SIPA1L3: variants seen among roughly 807,000 people sequenced by gnomAD.
SIPA1L3 encodes signal-induced proliferation-associated 1-like protein 3.
SIPA1L3 carries 59 observed loss-of-function variants against 150.1 expected under a neutral mutation model. That is an observed-to-expected ratio of 0.39 (90% CI 0.32 to 0.49). The LOEUF is 0.49. Ranked by LOEUF, SIPA1L3 falls within the 20% of genes least tolerant of loss-of-function variation. SIPA1L3 has a pLI of 0.86. For missense variants in SIPA1L3, 2,211 were observed against 2,489.5 expected (o/e 0.89, Z 2.38); for synonymous variants, 1,070 against 1,077.6 (o/e 0.99, Z 0.14).
chr19:38,115,014 AGG>A (rs1288473953), intron 8 of SIPA1L3, among the ~76,000 whole-genome samples: 2 of 152,208 alleles, frequency 1.3e-5, no homozygotes, highest in Non-Finnish European at 2.9e-5. Flanking sequence ...ATCTCCCTCA[AGG>A]ATTTAACCAA....
intron 1 of SIPA1L3, among the ~76,000 whole-genome samples, chr19:37,916,493 TAAAA>T (rs911159767): frequency 3.3e-5 from 3 of 90,776 alleles, no homozygotes; most frequent in Non-Finnish European, 2.2e-5. Flanking sequence ...ACTCTGTGTC[TAAAA>T]AAAAAAAAAA....
chr19:38,082,633 C>A lies in SIPA1L3; in HGVS notation c.1068C>A (p.Ala356=). 6 of 1,605,750 alleles carry A rather than the reference C, an allele frequency of 3.7e-6. 1 individual carries two copies. Among genetic ancestry groups the A allele is most frequent in the South Asian group, 1.1e-5 (1 of 91,084 alleles). ...TGCTGTTCGACCTCAACGAGGCGGC[C>A]GCCAACAGGGTGTCGGTGTCGCAGC... ...QSMLFDLNEA[A]ANRVSVSQRR... The change falls in exon 3 of 22, where the codon GCC becomes GCA. Residue 356 remains alanine, a synonymous_variant. Coordinates refer to ENST00000222345, the MANE Select transcript of SIPA1L3 (RefSeq NM_015073.3).
intron 2 of SIPA1L3, among the ~76,000 whole-genome samples, chr19:38,053,050 T>G (rs1296312785): frequency 6.6e-6 from 1 of 152,240 alleles, no homozygotes; most frequent in African/African-American, 2.4e-5. Context: ...AAGCTGGCAT[T>G]GAGCGGGCAG....
chr19:38,041,199 A>G (rs1968912629), intron 2 of SIPA1L3, among the ~76,000 whole-genome samples: 1 of 145,340 alleles, frequency 6.9e-6, no homozygotes, highest in South Asian at 2.2e-4. Context: ...CTCCATCTCC[A>G]AAGTTCAAGC....
At chr19:38,129,392 G>A (rs1264482912) in intron 9 of SIPA1L3, among the ~76,000 whole-genome samples, 4 of 152,074 alleles carry the variant, frequency 2.6e-5, no homozygotes, top group Non-Finnish European at 4.4e-5. Context: ...TTGGGAGGCC[G>A]AGGCGGGCAG....
chr19:38,114,410 C>T (rs956377940), intron 8 of SIPA1L3, among the ~76,000 whole-genome samples: 30 of 137,866 alleles, frequency 2.2e-4, no homozygotes, highest in Admixed American at 8.6e-4. Context: ...GCGACAAGAG[C>T]GAAACTCTTG....
At chr19:38,037,476 TG>T (rs1968818607) in intron 2 of SIPA1L3, among the ~76,000 whole-genome samples, 1 of 152,032 alleles carries the variant, frequency 6.6e-6, no homozygotes, top group Admixed American at 6.6e-5. Context: ...GAGAGGTAGG[TG>T]GGGGCAGATG....
intron 15 of SIPA1L3, among the ~76,000 whole-genome samples, chr19:38,178,920 C>T (rs1972502362): frequency 6.6e-6 from 1 of 152,218 alleles, no homozygotes; most frequent in South Asian, 2.1e-4. Context: ...CTACTCTTTG[C>T]TCCATTGATA....
chr19:38,191,413 C>A (rs1042688532), intron 16 of SIPA1L3, among the ~76,000 whole-genome samples: 3 of 149,020 alleles, frequency 2.0e-5, no homozygotes, highest in Non-Finnish European at 3.0e-5. Context: ...AAAAAAAAAA[C>A]CAAAAAGCAA....
intron 1 of SIPA1L3, among the ~76,000 whole-genome samples, chr19:38,005,902 G>A (rs950425069): frequency 1.3e-5 from 2 of 152,132 alleles, no homozygotes; most frequent in African/African-American, 4.8e-5. Context: ...ACAAAAATTA[G>A]CTGGGCATTT....
chr19:37,918,108 T>C (rs964555081), intron 1 of SIPA1L3, among the ~76,000 whole-genome samples: 1 of 152,050 alleles, frequency 6.6e-6, no homozygotes, highest in African/African-American at 2.4e-5. Context: ...ACTCCTTAAA[T>C]TGACCTCTAG....
At chr19:38,190,895 A>T (rs1021180551) in intron 16 of SIPA1L3, among the ~76,000 whole-genome samples, 1 of 152,182 alleles carries the variant, frequency 6.6e-6, no homozygotes, top group Non-Finnish European at 1.5e-5. Flanking sequence ...TGTTCCCCAC[A>T]CCATACGTGT....
chr19:37,930,077 T>C (rs1037754936), intron 1 of SIPA1L3, among the ~76,000 whole-genome samples: 1 of 145,506 alleles, frequency 6.9e-6, no homozygotes, highest in African/African-American at 2.6e-5. Context: ...CAGGCTGGAG[T>C]GCAGTGGCGC....
Position 38,046,645 on chromosome 19 carries a change from G to A in SIPA1L3, c.-311+17489G>A, listed in dbSNP as rs1006378053. On this transcript the variant is annotated intron_variant, in intron 2 of 21. Transcript: ENST00000222345. The surrounding 1 kb of genome is among the most constrained non-coding windows in gnomAD (Gnocchi z 5.6). ...CCCCAGCAAGAGCCCACATGAATCCGCCATCTCGCCCGCAGCCTGGGGATG... is the reference window on the plus strand; with the variant it reads ...CCCCAGCAAGAGCCCACATGAATCCACCATCTCGCCCGCAGCCTGGGGATG... Among the ~76,000 whole-genome samples, 5 of 152,190 alleles carry A rather than the reference G, an allele frequency of 3.3e-5. No individual in the cohort carries two copies. The highest frequency in any genetic ancestry group is 5.9e-5 in the Non-Finnish European group (4 of 68,020).
At chr19:38,088,181 G>C (rs887954963) in intron 3 of SIPA1L3, among the ~76,000 whole-genome samples, 5 of 152,238 alleles carry the variant, frequency 3.3e-5, no homozygotes, top group Non-Finnish European at 7.3e-5. Context: ...GGTGCTGAAG[G>C]CTGGGTCCAC....
Position 38,204,297 on chromosome 19 carries a change from C to T in SIPA1L3, c.5202+89C>T. The T allele has an allele frequency of 1.2e-5, 12 of 1,005,584 alleles. No homozygotes were observed. In the South Asian group the frequency reaches 1.6e-4, roughly 13 times the overall value. 62.3% of individuals were successfully genotyped at this position (1,005,584 alleles called of 1,614,324 possible). ...GGATCAGGCACCTGCCCCCGCCATG[C>T]AGGACCCACCCCACCCCCACACCTC... On this transcript the variant is annotated intron_variant, in intron 21 of 21. Coordinates refer to ENST00000222345, the MANE Select transcript of SIPA1L3 (RefSeq NM_015073.3).
chr19:37,918,133 G>A (rs975712056), intron 1 of SIPA1L3, among the ~76,000 whole-genome samples: 2 of 152,148 alleles, frequency 1.3e-5, no homozygotes, highest in Non-Finnish European at 2.9e-5. Context: ...GCTGGAACCT[G>A]GAACCTTACC....
At chr19:38,102,774 G>C (rs1970534921) in intron 6 of SIPA1L3, among the ~76,000 whole-genome samples, 1 of 150,802 alleles carries the variant, frequency 6.6e-6, no homozygotes. Context: ...TGAGACTGCA[G>C]TGAGCTATGA....
At chr19:37,976,944 C>G (rs921030843) in intron 1 of SIPA1L3, among the ~76,000 whole-genome samples, 1 of 152,134 alleles carries the variant, frequency 6.6e-6, no homozygotes, top group East Asian at 1.9e-4. Context: ...AGGTGATCCT[C>G]CCATCTCAGC....
Sources: gnomAD v4.1 joint callset for allele counts (sites outside exome capture counted in the v4.1 genomes callset) on GRCh38, gnomAD v4.1.1 for gene constraint, Gnocchi (gnomAD v3.1) non-coding constraint, MANE v1.5 for transcripts, NCBI Gene and HGNC (gene_info 2026-07-23, HGNC 2026-07-21) for gene names.